ZFHX3: variants seen among roughly 807,000 people sequenced by gnomAD.
ZFHX3 encodes the protein zinc finger homeobox protein 3.
In ZFHX3, 42 loss-of-function variants were observed where a neutral mutation model predicts 279.1. That is an observed-to-expected ratio of 0.15 (90% CI 0.12 to 0.19). The LOEUF (loss-of-function observed/expected upper bound fraction) is 0.19, where lower values mean the gene tolerates loss of function less well. Ranked by LOEUF, ZFHX3 falls within the 10% of genes least tolerant of loss-of-function variation. The pLI, the probability that ZFHX3 is intolerant of heterozygous loss-of-function variation, is 1.00. For synonymous variants in ZFHX3, 2,293 were observed against 1,957.8 expected, an observed-to-expected ratio of 1.17 and a Z score of -4.52; for missense variants, 4,981 against 4,754.0, an observed-to-expected ratio of 1.05 and a Z score of -1.40.
chr16:73,106,250 C>T (rs1656782633), intron 7 of ZFHX3, among the ~76,000 whole-genome samples: 1 of 151,946 alleles, frequency 6.6e-6, no homozygotes, highest in Non-Finnish European at 1.5e-5. Context: ...TCCTAGGTGG[C>T]TGGATGAATT....
intron 2 of ZFHX3, among the ~76,000 whole-genome samples, chr16:73,626,497 G>C (rs1306652956): frequency 1.3e-5 from 2 of 152,064 alleles, no homozygotes; most frequent in East Asian, 3.9e-4. Context: ...AACTTACAAA[G>C]GTATGGAAAT....
chr16:73,866,169 ATTTTTTTTTTTTTTTTT>A (rs34324522), intron 1 of ZFHX3, among the ~76,000 whole-genome samples: 7 of 74,626 alleles, frequency 9.4e-5, no homozygotes, highest in African/African-American at 3.4e-4. Context: ...TGCCAGGCTA[ATTTTTTTTTTTTTTTTT>A]TTTTTTTTTT....
intron 2 of ZFHX3, among the ~76,000 whole-genome samples, chr16:73,521,080 C>G (rs979096798): frequency 1.3e-5 from 2 of 152,086 alleles, no homozygotes; most frequent in African/African-American, 4.8e-5. Flanking sequence ...AACAAATGAA[C>G]GAAAAAATCT....
chr16:73,842,227 AG>A (rs1274921720), intron 1 of ZFHX3, among the ~76,000 whole-genome samples: 1 of 152,034 alleles, frequency 6.6e-6, no homozygotes, highest in African/African-American at 2.4e-5. Flanking sequence ...AAAAAAAAAA[AG>A]AAAGACAGAA....
At chr16:73,512,498 A>C (rs2019450688) in intron 2 of ZFHX3, among the ~76,000 whole-genome samples, 1 of 130,294 alleles carries the variant, frequency 7.7e-6, no homozygotes, top group Non-Finnish European at 1.6e-5. Context: ...TTCTGTGGAA[A>C]AAAAAAAAGA....
chr16:73,600,809 C>T (rs1314555892), intron 2 of ZFHX3, among the ~76,000 whole-genome samples: 4 of 152,084 alleles, frequency 2.6e-5, no homozygotes, highest in Non-Finnish European at 5.9e-5. Flanking sequence ...CACTCACACC[C>T]AATCCCTTCC....
At chr16:72,829,931 A>G in intron 4 of ZFHX3, 72 bp from the exon 5 acceptor site, 1 of 1,493,728 alleles carries the variant, frequency 6.7e-7, no homozygotes, top group Non-Finnish European at 9.3e-7. Flanking sequence ...CTCTGTTGCA[A>G]ACAACTGCCA....
At position 72,798,202 on chromosome 16, in the gene ZFHX3, CCTT is replaced by C. The variant is rs781432016; in HGVS notation, c.4477_4479del (p.Lys1493del). The stretch of plus-strand genomic sequence containing the variant: ...TTATCTTCCAAGTCACTCTCTTCCT[CCTT>C]GTCTTCCTCAACAATTATGGTATGG... On this transcript the variant is annotated inframe_deletion, in exon 9 of 10. Coordinates refer to ENST00000268489, the MANE Select transcript of ZFHX3 (RefSeq NM_006885.4). The C allele has an allele frequency of 1.9e-6, 3 of 1,614,206 alleles. No individual in the cohort carries two copies. The highest frequency in any genetic ancestry group is 4.5e-5 in the East Asian group (2 of 44,872).
intron 5 of ZFHX3, chr16:73,143,919 A>G: frequency 2.2e-6 from 1 of 453,712 alleles, no homozygotes; most frequent in Non-Finnish European, 4.0e-6. Context: ...TGATTCTCCC[A>G]TTGCTTTTCA....
chr16:73,218,843 C>T (rs567888311), intron 5 of ZFHX3, among the ~76,000 whole-genome samples: 2 of 152,294 alleles, frequency 1.3e-5, no homozygotes, highest in Admixed American at 1.3e-4. Flanking sequence ...GCATATAACT[C>T]AGTGTCATTA....
chr16:72,995,679 C>T (rs560937442), intron 1 of ZFHX3, among the ~76,000 whole-genome samples: 5 of 152,110 alleles, frequency 3.3e-5, no homozygotes, highest in Admixed American at 3.3e-4. Flanking sequence ...CACGGGAATC[C>T]GCCCACAAAC....
chr16:73,702,167 C>A (rs2053254850), intron 1 of ZFHX3, among the ~76,000 whole-genome samples: 2 of 152,190 alleles, frequency 1.3e-5, no homozygotes, highest in South Asian at 2.1e-4. Context: ...CCGCACCCCC[C>A]ACCCTCCCCG....
intron 1 of ZFHX3, among the ~76,000 whole-genome samples, chr16:73,820,126 G>C (rs1186351522): frequency 1.3e-5 from 2 of 152,010 alleles, no homozygotes; most frequent in East Asian, 3.9e-4. Flanking sequence ...GTCTTGCTCT[G>C]TCGCCCAGGC....
At chr16:73,811,403 A>C (rs982687576) in intron 1 of ZFHX3, among the ~76,000 whole-genome samples, 1 of 151,898 alleles carries the variant, frequency 6.6e-6, no homozygotes, top group African/African-American at 2.4e-5. Flanking sequence ...AATACCCATG[A>C]AAGCAAAGTT....
chr16:72,830,078 G>T (rs1044644665), intron 4 of ZFHX3, among the ~76,000 whole-genome samples: 1 of 152,204 alleles, frequency 6.6e-6, no homozygotes, highest in Non-Finnish European at 1.5e-5. Flanking sequence ...GTATGAGGTT[G>T]TGACTCGCTC....
chr16:73,140,058 C>T (rs140503571), intron 6 of ZFHX3, among the ~76,000 whole-genome samples: 106 of 152,038 alleles, frequency 7.0e-4, no homozygotes, highest in Non-Finnish European at 1.3e-3. Flanking sequence ...GTTGAGGCCA[C>T]GAGTTTGAGA....
intron 3 of ZFHX3, among the ~76,000 whole-genome samples, chr16:73,326,372 C>T (rs755525389): frequency 3.9e-5 from 6 of 152,118 alleles, no homozygotes; most frequent in Admixed American, 2.6e-4. Context: ...CATTCTGAGC[C>T]GACTTTCCAG....
chr16:73,319,741 C>G (rs550138192), intron 3 of ZFHX3, among the ~76,000 whole-genome samples: 1 of 152,104 alleles, frequency 6.6e-6, no homozygotes, highest in Non-Finnish European at 1.5e-5. Flanking sequence ...TAGGTTTAAA[C>G]GAAACCCCGC....
intron 2 of ZFHX3, among the ~76,000 whole-genome samples, chr16:73,521,508 G>T (rs1272564327): frequency 2.6e-5 from 4 of 152,078 alleles, no homozygotes; most frequent in Non-Finnish European, 5.9e-5. Context: ...AGGGTAGGAG[G>T]TAGGGTGGTG....
Sources: gnomAD v4.1 joint callset for allele counts (sites outside exome capture counted in the v4.1 genomes callset) on GRCh38, gnomAD v4.1.1 for gene constraint, MANE v1.5 for transcripts, NCBI Gene and HGNC (gene_info 2026-07-23, HGNC 2026-07-21) for gene names.